PTPRG: variants seen among roughly 807,000 people sequenced by gnomAD.
The protein encoded by PTPRG is receptor-type tyrosine-protein phosphatase gamma.
PTPRG carries 102 observed loss-of-function variants against 165.3 expected under a neutral mutation model. The ratio of observed to expected loss-of-function variants is 0.62; its 90% CI spans 0.53 to 0.73. The LOEUF (loss-of-function observed/expected upper bound fraction) is 0.73, where lower values mean the gene tolerates loss of function less well. Among genes scored for constraint, PTPRG ranks in the 30% least tolerant of loss-of-function variants. The probability of loss-of-function intolerance (pLI) is 0.00; values close to 1 mark genes in which losing one functional copy is unlikely to be tolerated. For missense variants in PTPRG, 1,866 were observed against 1,861.4 expected (o/e 1.00, Z -0.05); for synonymous variants, 675 against 669.5 (o/e 1.01, Z -0.13).
rs550057973 is a variant in PTPRG at position 62,009,145 on chromosome 3, G to C, written c.519+5648G>C. 1.2e-4 allele frequency among the ~76,000 whole-genome samples: 18 copies of C among 152,130 alleles called. No homozygotes were observed. In the East Asian group the frequency reaches 3.5e-3, roughly 29 times the overall value. On this transcript the variant is annotated intron_variant, in intron 4 of 29. Coordinates refer to ENST00000474889, the MANE Select transcript of PTPRG (RefSeq NM_002841.4). ...CATAAAAAGAACAAAATACCTTTTT[G>C]TCTTGAAAAAGTATCCAGGGCCATT...
intron 14 of PTPRG, 81 bp from the exon 15 acceptor site, chr3:62,243,726 T>G (rs998632917): frequency 1.2e-6 from 1 of 859,580 alleles, no homozygotes; most frequent in Non-Finnish European, 1.8e-6. Context: ...GCTGGGAAGA[T>G]CTATAAAATA....
chr3:62,021,611 G>C (rs1278938529), intron 4 of PTPRG, among the ~76,000 whole-genome samples: 1 of 152,122 alleles, frequency 6.6e-6, no homozygotes, highest in Admixed American at 6.6e-5. Flanking sequence ...ATCTCAAAGT[G>C]GAAGTTCTTT....
At chr3:62,263,126 A>C in intron 17 of PTPRG, 1 of 427,440 alleles carries the variant, frequency 2.3e-6, no homozygotes. Context: ...CTGAAAGAAA[A>C]TGTTTGGAGC....
intron 2 of PTPRG, among the ~76,000 whole-genome samples, chr3:61,830,750 T>C (rs893532476): frequency 6.6e-6 from 1 of 151,958 alleles, no homozygotes; most frequent in African/African-American, 2.4e-5. Context: ...AATTTTGCGT[T>C]TTTAGTAGAG....
chr3:61,564,646 AAGTTAAAAT>A (rs1271175996), intron 1 of PTPRG, among the ~76,000 whole-genome samples: 1 of 152,160 alleles, frequency 6.6e-6, no homozygotes, highest in Non-Finnish European at 1.5e-5. Context: ...GAGCAAGGTA[AAGTTAAAAT>A]ATCAGAGCTC....
intron 2 of PTPRG, among the ~76,000 whole-genome samples, chr3:61,867,886 T>G (rs879372973): frequency 2.0e-5 from 3 of 152,178 alleles, no homozygotes; most frequent in Admixed American, 6.5e-5. Flanking sequence ...GGGATGCGTT[T>G]GTAAAGCTTG....
intron 1 of PTPRG, among the ~76,000 whole-genome samples, chr3:61,573,208 T>A (rs1395879423): frequency 4.6e-5 from 7 of 152,194 alleles, no homozygotes; most frequent in African/African-American, 1.7e-4. Flanking sequence ...GCTGGTTCTC[T>A]TGATCAGTTT....
chr3:61,987,778 G>T (rs2040797399), intron 2 of PTPRG, among the ~76,000 whole-genome samples: 1 of 150,910 alleles, frequency 6.6e-6, no homozygotes, highest in African/African-American at 2.5e-5. Context: ...GATTCTTTTG[G>T]CATCTGGAAG....
At position 61,684,145 on chromosome 3, in the gene PTPRG, T is replaced by A. The variant is rs112977916; in HGVS notation, c.86-64733T>A. On this transcript the variant is annotated intron_variant, in intron 1 of 29. Coordinates refer to ENST00000474889, the MANE Select transcript of PTPRG (RefSeq NM_002841.4). ...CTATCAGAGATGTTTCCTGGACTTT[T>A]AAGAGTAGCTCCAACAGAAGTTTTG... is the stretch of plus-strand genomic sequence containing the variant. Among the ~76,000 whole-genome samples the A allele has an allele frequency of 2.1e-3, 327 of 152,316 alleles. 3 individuals are homozygous for A. The highest frequency in any genetic ancestry group is 7.5e-3 in the African/African-American group (311 of 41,578).
chr3:61,650,337 C>G (rs1277934020), intron 1 of PTPRG, among the ~76,000 whole-genome samples: 9 of 152,162 alleles, frequency 5.9e-5, no homozygotes, highest in Non-Finnish European at 1.0e-4. Flanking sequence ...CCTAGGAACA[C>G]CAGTGGGAAT....
Position 62,174,310 on chromosome 3 carries a change from T to C in PTPRG, c.1033+6147T>C, listed in dbSNP as rs183587752. 1.7e-3 allele frequency among the ~76,000 whole-genome samples: 264 copies of C among 152,322 alleles called. 1 individual carries two copies. The highest frequency in any genetic ancestry group is 3.1e-3 in the Non-Finnish European group (210 of 68,030). Reference sequence around the variant, plus strand: ...GAATCAAAACCACTTGATCTGATAATTTGATTTGATGGCTTAATTAAAATG... The same window carrying C: ...GAATCAAAACCACTTGATCTGATAACTTGATTTGATGGCTTAATTAAAATG... On this transcript the variant is annotated intron_variant, in intron 8 of 29. Coordinates refer to ENST00000474889, the MANE Select transcript of PTPRG (RefSeq NM_002841.4).
intron 15 of PTPRG, among the ~76,000 whole-genome samples, chr3:62,251,218 C>G (rs534947224): frequency 6.6e-6 from 1 of 152,118 alleles, no homozygotes; most frequent in Non-Finnish European, 1.5e-5. Context: ...TAGTGAGACC[C>G]CATCTCTACA....
chr3:61,928,313 T>C (rs1269044230), intron 2 of PTPRG, among the ~76,000 whole-genome samples: 1 of 152,200 alleles, frequency 6.6e-6, no homozygotes, highest in Non-Finnish European at 1.5e-5. Context: ...TGCGACCCCA[T>C]ATTTGTTAAC....
At chr3:62,161,761 T>C (rs9871926) in intron 7 of PTPRG, among the ~76,000 whole-genome samples, 1,693 of 152,326 alleles carry the variant, frequency 0.011, 33 homozygotes, top group African/African-American at 0.039. Context: ...ATTTTATGTT[T>C]GCAGCTGTGG....
At chr3:62,156,935 G>A (rs1043915030) in intron 6 of PTPRG, 132 bp from the exon 7 acceptor site, 61 of 822,400 alleles carry the variant, frequency 7.4e-5, no homozygotes, top group Non-Finnish European at 8.0e-6. Context: ...CCAAATGCTA[G>A]TGCTTCTCAG....
chr3:61,887,153 TATATATA>T (rs2038068544), intron 2 of PTPRG, among the ~76,000 whole-genome samples: 6 of 59,870 alleles, frequency 1.0e-4, no homozygotes, highest in African/African-American at 2.2e-4. Flanking sequence ...TATATATATA[TATATATA>T]TATATATATA....
rs367640842 is a variant in PTPRG at position 62,004,143 on chromosome 3, G to A, written c.519+646G>A. Among the ~76,000 whole-genome samples, 29 of 152,276 alleles carry A rather than the reference G, an allele frequency of 1.9e-4. 1 individual carries two copies. The South Asian group carries it at 5.6e-3, about 29-fold the overall frequency. On this transcript the variant is annotated intron_variant, in intron 4 of 29. Coordinates refer to ENST00000474889, the MANE Select transcript of PTPRG (RefSeq NM_002841.4). ...GCATGTCTCCAACTCCTTTATTAAT[G>A]TTGAGTAGGGACAGCACATCTCTTC...
intron 1 of PTPRG, among the ~76,000 whole-genome samples, chr3:61,715,219 T>A (rs1251481005): frequency 6.6e-6 from 1 of 151,798 alleles, no homozygotes; most frequent in Non-Finnish European, 1.5e-5. Context: ...CTTATTTTTT[T>A]GTTTGTTTGT....
At chr3:61,848,165 GC>G (rs1447380969) in intron 2 of PTPRG, among the ~76,000 whole-genome samples, 5 of 152,208 alleles carry the variant, frequency 3.3e-5, no homozygotes, top group Non-Finnish European at 7.3e-5. Flanking sequence ...GTCCTGGAGT[GC>G]CTCATGCTAC....
Sources: allele counts gnomAD v4.1 joint callset (sites outside exome capture counted in the v4.1 genomes callset), GRCh38; gene constraint gnomAD v4.1.1; transcripts MANE v1.5; gene names NCBI Gene and HGNC (gene_info 2026-07-23, HGNC 2026-07-21).